Variants in LEUTX observed in about 807,000 individuals in gnomAD.
The protein encoded by LEUTX is paired-like homeodomain transcription factor LEUTX.
In LEUTX, 5 loss-of-function variants were observed where a neutral mutation model predicts 4.5. The ratio of observed to expected loss-of-function variants is 1.11; its 90% CI spans 0.58 to 2.34. The LOEUF is 2.34. LEUTX is among the 30% of genes most tolerant of loss of function. The pLI is 0.01. For synonymous variants in LEUTX, 89 were observed against 85.1 expected, an observed-to-expected ratio of 1.05 and a Z score of -0.25; for missense variants, 233 against 239.4, an observed-to-expected ratio of 0.97 and a Z score of 0.18.
upstream of LEUTX, among the ~76,000 whole-genome samples, chr19:39,777,980 G>C (rs952659900): frequency 3.3e-5 from 5 of 152,106 alleles, no homozygotes; most frequent in Non-Finnish European, 4.4e-5. Context: ...TATAAGATGG[G>C]CCAAGACCAG....
At chr19:39,777,187 T>C (rs1196842439), upstream of LEUTX, among the ~76,000 whole-genome samples, 1 of 152,194 alleles carries the variant, frequency 6.6e-6, no homozygotes, top group African/African-American at 2.4e-5. Flanking sequence ...AGAGACATCT[T>C]ACCTTACCTT....
upstream of LEUTX, among the ~76,000 whole-genome samples, chr19:39,777,975 G>A (rs577543784): frequency 6.6e-6 from 1 of 152,260 alleles, no homozygotes; most frequent in South Asian, 2.1e-4. Context: ...GGTAGTATAA[G>A]ATGGGCCAAG....
At chr19:39,784,776 C>T (rs1599618524) in intron 2 of LEUTX, 98 bp downstream of exon 2, 1 of 882,266 alleles carries the variant, frequency 1.1e-6, no homozygotes, top group Non-Finnish European at 1.8e-6. Context: ...TTGGCAATTG[C>T]TATGTGTAAG....
At chr19:39,776,530 A>G, upstream of LEUTX, 1 of 448,762 alleles carries the variant, frequency 2.2e-6, no homozygotes, top group Non-Finnish European at 4.5e-6. Context: ...AAAGTAGGGA[A>G]TGAGGCCTCT....
chr19:39,784,392 CT>C, intron 1 of LEUTX, 134 bp from the exon 2 acceptor site: 1 of 539,622 alleles, frequency 1.9e-6, no homozygotes, highest in Non-Finnish European at 3.3e-6. Context: ...TGTGTAGGCT[CT>C]GTCAGAGGGA....
In LEUTX at chr19:39,785,829, T is replaced by A. The variant is rs1252614069; in HGVS notation, c.291T>A (p.Thr97=). ...KKEETPSAIT[T]ANIRPVSPGI... ...AGGAGACTCCCTCAGCCATAACTACTGCAAACATTCGTCCAGTAAGTCCTG... is the reference window on the plus strand; with the variant it reads ...AGGAGACTCCCTCAGCCATAACTACAGCAAACATTCGTCCAGTAAGTCCTG... Residue 97 remains threonine, a synonymous_variant, in exon 3 of 3, where the codon ACT becomes ACA. Transcript: ENST00000638280. The A allele has an allele frequency of 6.4e-7, 1 of 1,551,788 alleles. No homozygotes were observed. Among genetic ancestry groups the A allele is most frequent in the Middle Eastern group, 1.7e-4 (1 of 5,992 alleles).
chr19:39,786,237 T>G lies in LEUTX; in HGVS notation c.*102T>G. 1.2e-6 allele frequency: 1 copy of G among 839,848 alleles called. No homozygotes were observed. The highest frequency in any genetic ancestry group is 1.7e-6 in the Non-Finnish European group (1 of 573,698). The allele number at this position is 839,848 out of a possible 1,614,324, so 52.0% of individuals were successfully genotyped here. A position where few individuals can be genotyped will look rare whatever the true frequency, so the allele number is the denominator to read the frequency against. On this transcript the variant is annotated 3_prime_UTR_variant, in exon 3 of 3. Coordinates refer to ENST00000638280, the MANE Select transcript of LEUTX (RefSeq NM_001382345.1). ...ACCCCAGTCTAAGTAGATCAGGGGC[T>G]GGGAATTTATCTTTTTCTGTAGAAA...
chr19:39,785,666 C>A, intron 2 of LEUTX, 32 bp from the exon 3 acceptor site: 1 of 1,516,676 alleles, frequency 6.6e-7, no homozygotes, highest in South Asian at 1.2e-5. Flanking sequence ...ACTCAACATC[C>A]ATTATTAACC....
At chr19:39,785,569 A>T in intron 2 of LEUTX, 129 bp from the exon 3 acceptor site, 1 of 705,338 alleles carries the variant, frequency 1.4e-6, no homozygotes. Context: ...CAGAGAGTAG[A>T]AAGGGCTTCC....
At chr19:39,780,367 C>T (rs930118174) in intron 1 of LEUTX, among the ~76,000 whole-genome samples, 1 of 152,090 alleles carries the variant, frequency 6.6e-6, no homozygotes, top group Non-Finnish European at 1.5e-5. Context: ...ATTCTACTTC[C>T]CTTTAGAAGC....
chr19:39,782,314 C>T (rs56357297), intron 1 of LEUTX, among the ~76,000 whole-genome samples: 2,751 of 152,136 alleles, frequency 0.018, 84 homozygotes, highest in African/African-American at 0.061. Context: ...AATCATGGGG[C>T]GGTTTCCCCC....
intron 2 of LEUTX, 31 bp downstream of exon 2, chr19:39,784,709 C>A: frequency 6.7e-7 from 1 of 1,485,790 alleles, no homozygotes. Context: ...GTAGGTAGCA[C>A]GCCTAACCCA....
intron 1 of LEUTX, among the ~76,000 whole-genome samples, chr19:39,781,182 C>T (rs1249600016): frequency 6.6e-6 from 1 of 152,072 alleles, no homozygotes; most frequent in Admixed American, 6.6e-5. Flanking sequence ...TTTTTGTTCT[C>T]CCTTTGTGTC....
At position 39,785,929 on chromosome 19, in the gene LEUTX, G is replaced by A; in HGVS notation, c.391G>A (p.Ala131Thr). 6.4e-7 allele frequency: 1 copy of A among 1,551,782 alleles called. No homozygotes were observed. Among genetic ancestry groups the A allele is most frequent in the South Asian group, 1.2e-5 (1 of 84,066 alleles). The part of the protein sequence containing the change: ...IKNPGGASAS[A>T]RVSSWDSQSY... ...GAATCCTGGAGGAGCCAGCGCCTCT[G>A]CGAGGGTTTCATCCTGGGATTCTCA... is the stretch of plus-strand genomic sequence containing the variant. The change falls in exon 3 of 3, where the codon GCG becomes ACG. Residue 131 changes from alanine to threonine, a missense_variant. Coordinates refer to ENST00000638280, the MANE Select transcript of LEUTX (RefSeq NM_001382345.1).
At chr19:39,785,647 C>G in intron 2 of LEUTX, 51 bp from the exon 3 acceptor site, 3 of 1,378,234 alleles carry the variant, frequency 2.2e-6, no homozygotes, top group Non-Finnish European at 3.0e-6. Context: ...CATGAGGATG[C>G]CCCTTTATAC....
At chr19:39,784,730 C>A in intron 2 of LEUTX, 52 bp downstream of exon 2, 1 of 1,323,634 alleles carries the variant, frequency 7.6e-7, no homozygotes, top group South Asian at 1.3e-5. Flanking sequence ...GAGCTTCACA[C>A]ACACTTTTGA....
Position 39,786,159 on chromosome 19 carries a change from G to T in LEUTX, c.*24G>T. ...AACTTCTTACACATCACTTCTAGGG[G>T]AGGTCTGGATCTGACCCACTGAGAC... is the stretch of plus-strand genomic sequence containing the variant. On this transcript the variant is annotated 3_prime_UTR_variant, in exon 3 of 3. Coordinates refer to ENST00000638280, the MANE Select transcript of LEUTX (RefSeq NM_001382345.1). 6.7e-7 allele frequency: 1 copy of T among 1,487,092 alleles called. No individual in the cohort carries two copies. The highest frequency in any genetic ancestry group is 9.0e-7 in the Non-Finnish European group (1 of 1,113,674). 92.1% of individuals were successfully genotyped at this position (1,487,092 alleles called of 1,614,324 possible). A position where few individuals can be genotyped will look rare whatever the true frequency, so the allele number is the denominator to read the frequency against.
chr19:39,781,996 G>A (rs1967893957), intron 1 of LEUTX, among the ~76,000 whole-genome samples: 1 of 152,016 alleles, frequency 6.6e-6, no homozygotes, highest in African/African-American at 2.4e-5. Context: ...TGAGAGAATC[G>A]ACATTCATTC....
At chr19:39,777,135 A>G (rs1462328351), upstream of LEUTX, among the ~76,000 whole-genome samples, 1 of 152,110 alleles carries the variant, frequency 6.6e-6, no homozygotes, top group Admixed American at 6.5e-5. Flanking sequence ...CCCTTTGCTT[A>G]GAACACTCTT....
Sources: gnomAD v4.1 joint callset for allele counts (sites outside exome capture counted in the v4.1 genomes callset) on GRCh38, gnomAD v4.1.1 for gene constraint, MANE v1.5 for transcripts, NCBI Gene and HGNC (gene_info 2026-07-23, HGNC 2026-07-21) for gene names.